The following SLC23A2 variants were observed in gnomAD, a reference collection of about 807,000 sequenced individuals.
SLC23A2 encodes Na(+)/L-ascorbic acid transporter 2.
SLC23A2 carries 36 observed loss-of-function variants against 73.3 expected under a neutral mutation model. That is an observed-to-expected ratio of 0.49 (90% CI 0.38 to 0.65). The LOEUF (loss-of-function observed/expected upper bound fraction) is 0.65. Among genes scored for constraint, SLC23A2 ranks in the 30% least tolerant of loss-of-function variants. The pLI is 0.00. For missense variants in SLC23A2, 507 were observed against 841.6 expected (o/e 0.60, Z 4.92); for synonymous variants, 343 against 327.3 (o/e 1.05, Z -0.52).
rs539954532 is a variant in SLC23A2 at position 4,969,212 on chromosome 20, C to T, written c.-155+1581G>A. On this transcript the variant is annotated intron_variant, in intron 2 of 16. Transcript: ENST00000338244. Reference sequence around the variant, plus strand: ...AAGCGATTCTCCTACCTCAGCCTCCCGAATAGCTGGGATTACAGGTATGCG... The same window carrying T: ...AAGCGATTCTCCTACCTCAGCCTCCTGAATAGCTGGGATTACAGGTATGCG... 1.1e-4 allele frequency among the ~76,000 whole-genome samples: 17 copies of T among 150,514 alleles called. No individual in the cohort carries two copies. The East Asian group carries it at 3.4e-3, about 30-fold the overall frequency.
intron 3 of SLC23A2, among the ~76,000 whole-genome samples, chr20:4,925,879 C>T (rs920942323): frequency 6.6e-6 from 1 of 152,184 alleles, no homozygotes; most frequent in African/African-American, 2.4e-5. Context: ...GCAAGGCCCA[C>T]CCTACAACAC....
At chr20:4,919,938 A>G (rs1932447482) in intron 3 of SLC23A2, among the ~76,000 whole-genome samples, 2 of 152,180 alleles carry the variant, frequency 1.3e-5, no homozygotes, top group South Asian at 4.1e-4. Context: ...AAGATGCTCA[A>G]CCTTACTCAT....
chr20:4,922,850 C>T (rs1932541695), intron 3 of SLC23A2, among the ~76,000 whole-genome samples: 1 of 150,858 alleles, frequency 6.6e-6, no homozygotes, highest in Non-Finnish European at 1.5e-5. Context: ...AAAGCACACA[C>T]ACACACACAC....
At chr20:4,859,455 G>A (rs895092865) in intron 15 of SLC23A2, 71 bp from the exon 16 acceptor site, 2 of 981,390 alleles carry the variant, frequency 2.0e-6, no homozygotes, top group African/African-American at 1.6e-5. Context: ...CTTGGGAAGG[G>A]GCAATGGTGT....
intron 9 of SLC23A2, among the ~76,000 whole-genome samples, chr20:4,881,646 C>T (rs1168416494): frequency 1.3e-5 from 2 of 152,124 alleles, no homozygotes; most frequent in African/African-American, 4.8e-5. Flanking sequence ...ATTTGTGTCA[C>T]ATTTTCTGTA....
intron 1 of SLC23A2, among the ~76,000 whole-genome samples, chr20:4,997,049 C>T (rs2088035549): frequency 6.6e-6 from 1 of 152,136 alleles, no homozygotes; most frequent in Admixed American, 6.6e-5. Context: ...AAGACCAGAA[C>T]CTCGGAGTCC....
At position 4,947,401 on chromosome 20, in the gene SLC23A2, T is replaced by C. The variant is rs758434022; in HGVS notation, c.-154-14685A>G. Among the ~76,000 whole-genome samples the C allele has an allele frequency of 6.6e-6, 1 of 152,260 alleles. No homozygotes were observed. The highest frequency in any genetic ancestry group is 1.5e-5 in the Non-Finnish European group (1 of 68,054). The stretch of plus-strand genomic sequence containing the variant: ...AGATGAGTTTTATTGCATTTATTTC[T>C]ACTACGTGATTTAACACATCACTTT... On this transcript the variant is annotated intron_variant, in intron 2 of 16. Coordinates refer to ENST00000338244, the MANE Select transcript of SLC23A2 (RefSeq NM_005116.6). The surrounding 1 kb of genome is among the most constrained non-coding windows in gnomAD (Gnocchi z 4.4).
intron 1 of SLC23A2, among the ~76,000 whole-genome samples, chr20:5,000,988 G>A (rs899611350): frequency 3.9e-5 from 6 of 152,182 alleles, no homozygotes; most frequent in Admixed American, 3.9e-4. Flanking sequence ...CACCGGGGGA[G>A]GGGCGAGGGA....
At chr20:4,875,512 C>T (rs1930618692) in intron 9 of SLC23A2, among the ~76,000 whole-genome samples, 1 of 152,160 alleles carries the variant, frequency 6.6e-6, no homozygotes, top group African/African-American at 2.4e-5. Context: ...TTCCTTTTGC[C>T]ACCCTGGTCA....
In SLC23A2 at chr20:4,857,277, A is replaced by AACACAC. The variant is rs1170187164; in HGVS notation, c.1721-74_1721-73insGTGTGT. 1.2e-5 allele frequency: 7 copies of AACACAC among 590,010 alleles called. No individual in the cohort carries two copies. Among genetic ancestry groups the AACACAC allele is most frequent in the East Asian group, 3.2e-5 (1 of 31,556 alleles). 36.5% of individuals were successfully genotyped at this position (590,010 alleles called of 1,614,324 possible). A position where few individuals can be genotyped will look rare whatever the true frequency, so the allele number is the denominator to read the frequency against. On this transcript the variant is annotated intron_variant, in intron 16 of 16. Coordinates refer to ENST00000338244, the MANE Select transcript of SLC23A2 (RefSeq NM_005116.6). The surrounding 1 kb of genome is among the most constrained non-coding windows in gnomAD (Gnocchi z 4.0). Reference sequence around the variant, plus strand: ...TCTACTGAAAATGAAACTGTCGTCAAACACATACACACACACACACACACA... The same window carrying AACACAC: ...TCTACTGAAAATGAAACTGTCGTCAAACACACACACATACACACACACACACACACA...
At chr20:4,925,571 A>G (rs1020094032) in intron 3 of SLC23A2, among the ~76,000 whole-genome samples, 1 of 152,112 alleles carries the variant, frequency 6.6e-6, no homozygotes, top group Admixed American at 6.5e-5. Context: ...CTGTCGGCTC[A>G]CACCTGGACT....
chr20:4,992,762 G>A (rs2087948719), intron 1 of SLC23A2, among the ~76,000 whole-genome samples: 1 of 151,352 alleles, frequency 6.6e-6, no homozygotes, highest in Admixed American at 6.6e-5. Flanking sequence ...TGCCCACCTC[G>A]GCCTCCCAAA....
chr20:4,976,685 AG>A (rs1402084210), intron 1 of SLC23A2, among the ~76,000 whole-genome samples: 4 of 148,866 alleles, frequency 2.7e-5, no homozygotes, highest in Non-Finnish European at 5.9e-5. Context: ...CAAAAAAAAA[AG>A]AGAGTCTGCC....
chr20:4,962,564 A>G (rs1253010336), intron 2 of SLC23A2, among the ~76,000 whole-genome samples: 1 of 152,244 alleles, frequency 6.6e-6, no homozygotes, highest in Non-Finnish European at 1.5e-5. Context: ...ACTGGAAGTA[A>G]AACTACCTGC....
chr20:4,857,297 C>T lies in SLC23A2; in HGVS notation c.1721-93G>A, dbSNP rs895652020. On this transcript the variant is annotated intron_variant, in intron 16 of 16. Coordinates refer to ENST00000338244, the MANE Select transcript of SLC23A2 (RefSeq NM_005116.6). The surrounding 1 kb of genome is among the most constrained non-coding windows in gnomAD (Gnocchi z 4.0). ...CGTCAAACACATACACACACACACA[C>T]ACACACACACACACACACACACACA... 2.1e-5 allele frequency: 8 copies of T among 376,606 alleles called. No homozygotes were observed. The highest frequency in any genetic ancestry group is 6.5e-5 in the African/African-American group (1 of 15,466). The allele number at this position is 376,606 out of a possible 1,614,324, so 23.3% of individuals were successfully genotyped here. A position where few individuals can be genotyped will look rare whatever the true frequency, so the allele number is the denominator to read the frequency against.
chr20:4,914,933 A>C (rs1326389357), intron 3 of SLC23A2, among the ~76,000 whole-genome samples: 2 of 152,234 alleles, frequency 1.3e-5, no homozygotes, highest in East Asian at 3.9e-4. Flanking sequence ...CCAGCTACTC[A>C]GGAGGCTGAG....
intron 4 of SLC23A2, among the ~76,000 whole-genome samples, chr20:4,903,141 A>G (rs563881829): frequency 2.0e-5 from 3 of 152,214 alleles, no homozygotes; most frequent in African/African-American, 7.2e-5. Flanking sequence ...AAAAAACAAA[A>G]CATTAAAAAT....
At chr20:4,943,453 A>G (rs376774984) in intron 2 of SLC23A2, among the ~76,000 whole-genome samples, 9 of 151,922 alleles carry the variant, frequency 5.9e-5, no homozygotes, top group African/African-American at 2.2e-4. Context: ...GGATCGCTTG[A>G]GCCCAGGAGT....
chr20:4,992,399 A>G (rs566319921), intron 1 of SLC23A2, among the ~76,000 whole-genome samples: 54 of 152,112 alleles, frequency 3.6e-4, no homozygotes, highest in African/African-American at 1.3e-3. Flanking sequence ...CAAATATCAG[A>G]CTAATTATAG....
Sources: allele counts gnomAD v4.1 joint callset (sites outside exome capture counted in the v4.1 genomes callset), GRCh38; gene constraint gnomAD v4.1.1; non-coding constraint Gnocchi (gnomAD v3.1); transcripts MANE v1.5; gene names NCBI Gene and HGNC (gene_info 2026-07-23, HGNC 2026-07-21).